MDN1: variants seen among roughly 807,000 people sequenced by gnomAD.
MDN1 encodes the protein midasin AAA ATPase 1.
In MDN1, 266 loss-of-function variants were observed where a neutral mutation model predicts 669.2. That is an observed-to-expected ratio of 0.40 (90% CI 0.36 to 0.44). The LOEUF is 0.44. Among genes scored for constraint, MDN1 ranks in the 20% least tolerant of loss-of-function variants. The pLI is 1.00. For synonymous variants in MDN1, 2,385 were observed against 2,457.1 expected (o/e 0.97, Z 0.87); for missense variants, 5,940 against 6,754.0 (o/e 0.88, Z 4.22).
chr6:89,759,026 A>G, intron 17 of MDN1, 66 bp from the exon 18 acceptor site: 1 of 1,499,480 alleles, frequency 6.7e-7, no homozygotes, highest in Non-Finnish European at 9.2e-7. Context: ...AAGAACAGTT[A>G]TGCAAGCAGG....
chr6:89,771,536 G>A (rs1205036598), intron 15 of MDN1, 25 bp downstream of exon 15: 14 of 1,595,168 alleles, frequency 8.8e-6, no homozygotes, highest in Non-Finnish European at 1.2e-5. Context: ...ACAAAAATAA[G>A]AAAAAAATTT....
chr6:89,807,375 C>G (rs1417620425), intron 1 of MDN1, among the ~76,000 whole-genome samples: 1 of 152,206 alleles, frequency 6.6e-6, no homozygotes, highest in Non-Finnish European at 1.5e-5. Context: ...CATGCGCCAC[C>G]ACGCAAGGGG....
intron 83 of MDN1, among the ~76,000 whole-genome samples, chr6:89,669,879 C>T (rs112520460): frequency 6.6e-6 from 1 of 151,868 alleles, no homozygotes; most frequent in East Asian, 2.0e-4. Context: ...ATACCGGGTA[C>T]ATGGCTGAAT....
intron 13 of MDN1, among the ~76,000 whole-genome samples, chr6:89,774,210 G>T (rs1049420728): frequency 6.6e-6 from 1 of 152,130 alleles, no homozygotes; most frequent in Non-Finnish European, 1.5e-5. Flanking sequence ...ACCACTACAT[G>T]AGAAAATATG....
intron 19 of MDN1, among the ~76,000 whole-genome samples, chr6:89,757,029 T>C (rs1409102895): frequency 1.3e-5 from 2 of 152,066 alleles, no homozygotes; most frequent in Non-Finnish European, 2.9e-5. Flanking sequence ...ACAAGCCCCC[T>C]CATCATCAAA....
Position 89,758,743 on chromosome 6 carries a change from C to A in MDN1, c.2605+73G>T, listed in dbSNP as rs369067376. 49 of 1,490,910 alleles carry A rather than the reference C, an allele frequency of 3.3e-5. No homozygotes were observed. The African/African-American group carries it at 4.1e-4, about 12-fold the overall frequency. 92.4% of individuals were successfully genotyped at this position (1,490,910 alleles called of 1,614,324 possible). On this transcript the variant is annotated intron_variant, in intron 18 of 101. Coordinates refer to ENST00000369393, the MANE Select transcript of MDN1 (RefSeq NM_014611.3). ...GCCCATGTCATCCTTCTAACAACAA[C>A]AACAAAAAATCTCACTCTAAAGTGG...
intron 34 of MDN1, among the ~76,000 whole-genome samples, chr6:89,731,385 GGATAA>G (rs1343835002): frequency 1.3e-5 from 2 of 152,074 alleles, no homozygotes; most frequent in African/African-American, 4.8e-5. Flanking sequence ...ATGATAGACT[GGATAA>G]AGAAAATGTG....
At chr6:89,758,188 T>A in intron 19 of MDN1, 67 bp downstream of exon 19, 1 of 1,352,246 alleles carries the variant, frequency 7.4e-7, no homozygotes, top group Non-Finnish European at 1.0e-6. Context: ...GCCACTGCAC[T>A]CCAACCTGGG....
chr6:89,807,129 T>C (rs1367794231), intron 1 of MDN1, among the ~76,000 whole-genome samples: 1 of 152,168 alleles, frequency 6.6e-6, no homozygotes, highest in African/African-American at 2.4e-5. Context: ...TTTCCCTCTG[T>C]CACCCAGGCT....
At chr6:89,775,575 T>G (rs1054434257) in intron 12 of MDN1, among the ~76,000 whole-genome samples, 2 of 152,176 alleles carry the variant, frequency 1.3e-5, no homozygotes, top group Non-Finnish European at 2.9e-5. Flanking sequence ...AAAATACGTA[T>G]TTTGACATAA....
chr6:89,806,254 A>G (rs184800130), intron 1 of MDN1, among the ~76,000 whole-genome samples: 1 of 152,132 alleles, frequency 6.6e-6, no homozygotes, highest in South Asian at 2.1e-4. Flanking sequence ...TTTAAATAAT[A>G]AAGTAAGTTA....
chr6:89,724,076 GAGATTGCAGTGAGCCA>G (rs1442296770), intron 38 of MDN1, among the ~76,000 whole-genome samples: 1 of 151,908 alleles, frequency 6.6e-6, no homozygotes, highest in African/African-American at 2.4e-5. Context: ...CCAGGAGGAG[GAGATTGCAGTGAGCCA>G]AGATCACGCC....
chr6:89,812,662 C>G (rs1346892201), intron 1 of MDN1, among the ~76,000 whole-genome samples: 1 of 140,484 alleles, frequency 7.1e-6, no homozygotes, highest in Non-Finnish European at 1.6e-5. Context: ...AAGGATAAGG[C>G]AACTGCTAAC....
intron 44 of MDN1, 47 bp from the exon 45 acceptor site, chr6:89,715,816 G>T: frequency 7.9e-7 from 1 of 1,265,500 alleles, no homozygotes; most frequent in South Asian, 1.2e-5. Context: ...ATGCTGCATT[G>T]ACTCTTCTTT....
intron 11 of MDN1, among the ~76,000 whole-genome samples, chr6:89,778,239 T>C (rs1355572663): frequency 6.6e-6 from 1 of 151,426 alleles, no homozygotes; most frequent in East Asian, 1.9e-4. Flanking sequence ...CCCCCAATAC[T>C]GCAAATTGCT....
At chr6:89,767,840 G>A (rs1817874197) in intron 15 of MDN1, among the ~76,000 whole-genome samples, 1 of 151,804 alleles carries the variant, frequency 6.6e-6, no homozygotes, top group South Asian at 2.1e-4. Flanking sequence ...TAGCTCAGGG[G>A]ACCAGCCTGG....
intron 78 of MDN1, 97 bp from the exon 79 acceptor site, chr6:89,674,686 G>A (rs1489002388): frequency 1.2e-5 from 17 of 1,453,526 alleles, no homozygotes; most frequent in Non-Finnish European, 7.3e-6. Flanking sequence ...GAACAAGCAT[G>A]GGCTTTTTCA....
In MDN1 at chr6:89,668,120, T is replaced by A. The variant is rs1375879106; in HGVS notation, c.13988A>T (p.Asp4663Val). 6.2e-7 allele frequency: 1 copy of A among 1,613,978 alleles called. No homozygotes were observed. Among genetic ancestry groups the A allele is most frequent in the African/African-American group, 1.3e-5 (1 of 74,906 alleles). The change falls in exon 84 of 102, where the codon GAT becomes GTT. Residue 4663 changes from aspartate to valine, a missense_variant. This residue lies in a region of MDN1 where 2,280 missense variants were observed against 2,576.3 expected (regional missense o/e 0.88). Coordinates refer to ENST00000369393, the MANE Select transcript of MDN1 (RefSeq NM_014611.3). The stretch of plus-strand genomic sequence containing the variant: ...CTCAGTTGCTCCCTCTCCAGCTGAA[T>A]CTTCCATAAATTCTTTGGGCAAGCA... The part of the protein sequence containing the change: ...GFCLPKEFME[D>V]SAGEGATEFH...
intron 2 of MDN1, among the ~76,000 whole-genome samples, chr6:89,795,297 G>C (rs1406432345): frequency 1.3e-5 from 2 of 152,142 alleles, no homozygotes; most frequent in Non-Finnish European, 2.9e-5. Context: ...GTCTAGTAAG[G>C]AAGACAGCCA....
Sources: allele counts gnomAD v4.1 joint callset (sites outside exome capture counted in the v4.1 genomes callset), GRCh38; gene constraint gnomAD v4.1.1; regional missense constraint gnomAD v4.1.1; transcripts MANE v1.5; gene names NCBI Gene and HGNC (gene_info 2026-07-23, HGNC 2026-07-21).